PLCB4: variants seen among roughly 807,000 people sequenced by gnomAD.
PLCB4 encodes the protein phospholipase C beta 4.
PLCB4 carries 77 observed loss-of-function variants against 178.8 expected under a neutral mutation model. That is an observed-to-expected ratio of 0.43 (90% CI 0.36 to 0.52). The LOEUF (loss-of-function observed/expected upper bound fraction) is 0.52. Ranked by LOEUF, PLCB4 falls within the 20% of genes least tolerant of loss-of-function variation. The pLI, the probability that PLCB4 is intolerant of heterozygous loss-of-function variation, is 0.00. For missense variants in PLCB4, 1,024 were observed against 1,453.4 expected, an observed-to-expected ratio of 0.70 and a Z score of 4.80; for synonymous variants, 496 against 490.8, an observed-to-expected ratio of 1.01 and a Z score of -0.14.
chr20:9,397,695 G>C (rs771161535), intron 19 of PLCB4, among the ~76,000 whole-genome samples: 1 of 152,186 alleles, frequency 6.6e-6, no homozygotes, highest in Non-Finnish European at 1.5e-5. Context: ...CCAGAGAAAA[G>C]TCATAATGAC....
At chr20:9,406,096 G>T (rs912671860) in intron 21 of PLCB4, among the ~76,000 whole-genome samples, 4 of 152,014 alleles carry the variant, frequency 2.6e-5, no homozygotes, top group Non-Finnish European at 5.9e-5. Context: ...TTCATAATTT[G>T]GGTCAACAGT....
intron 3 of PLCB4, among the ~76,000 whole-genome samples, chr20:9,231,811 A>G (rs1213669246): frequency 6.6e-6 from 1 of 152,166 alleles, no homozygotes; most frequent in Non-Finnish European, 1.5e-5. Flanking sequence ...TTTGTTTCCC[A>G]AGAGAATGAA....
intron 19 of PLCB4, among the ~76,000 whole-genome samples, chr20:9,398,642 G>A (rs2038790252): frequency 6.6e-6 from 1 of 152,018 alleles, no homozygotes; most frequent in African/African-American, 2.4e-5. Flanking sequence ...GGACCAGGCA[G>A]CTTACATTAT....
intron 32 of PLCB4, among the ~76,000 whole-genome samples, chr20:9,448,825 C>A (rs1029127337): frequency 1.4e-4 from 22 of 151,866 alleles, no homozygotes; most frequent in African/African-American, 5.1e-4. Flanking sequence ...ATGTATGGTC[C>A]CAAGGAGAGC....
chr20:9,215,810 A>G (rs933844220), intron 2 of PLCB4, among the ~76,000 whole-genome samples: 1 of 152,210 alleles, frequency 6.6e-6, no homozygotes, highest in Admixed American at 6.5e-5. Context: ...TTATTTGTGT[A>G]TAACGATATA....
At chr20:9,091,196 G>T (rs1188023040) in intron 1 of PLCB4, among the ~76,000 whole-genome samples, 3 of 144,002 alleles carry the variant, frequency 2.1e-5, no homozygotes, top group Admixed American at 7.1e-5. Flanking sequence ...TCATTTCTAG[G>T]TCATACAAGT....
chr20:9,097,776 G>A (rs2090974594), intron 2 of PLCB4, among the ~76,000 whole-genome samples: 1 of 152,040 alleles, frequency 6.6e-6, no homozygotes, highest in Admixed American at 6.6e-5. Flanking sequence ...TTGCTCACAT[G>A]TTACTTATAA....
intron 30 of PLCB4, among the ~76,000 whole-genome samples, chr20:9,442,900 A>G (rs1449329016): frequency 1.3e-5 from 2 of 152,246 alleles, no homozygotes; most frequent in Non-Finnish European, 2.9e-5. Context: ...ATAAAAGGGA[A>G]AAACAAGAGC....
At chr20:9,234,776 G>T (rs542842307) in intron 3 of PLCB4, among the ~76,000 whole-genome samples, 1 of 152,230 alleles carries the variant, frequency 6.6e-6, no homozygotes, top group South Asian at 2.1e-4. Flanking sequence ...TTGAGAAAGG[G>T]CATAGGAAAA....
intron 30 of PLCB4, among the ~76,000 whole-genome samples, chr20:9,443,580 G>A (rs1376409612): frequency 6.6e-6 from 1 of 152,142 alleles, no homozygotes; most frequent in East Asian, 1.9e-4. Flanking sequence ...TTTTGCCAAG[G>A]TGGAATGACT....
intron 3 of PLCB4, among the ~76,000 whole-genome samples, chr20:9,290,766 C>T (rs1344420556): frequency 6.6e-6 from 1 of 152,020 alleles, no homozygotes; most frequent in Non-Finnish European, 1.5e-5. Flanking sequence ...AAATGTATTT[C>T]AGGAAGGATA....
chr20:9,459,184 A>G (rs973922889), intron 34 of PLCB4, among the ~76,000 whole-genome samples: 1 of 152,070 alleles, frequency 6.6e-6, no homozygotes, highest in Non-Finnish European at 1.5e-5. Context: ...TCTCTAGTAA[A>G]AATACAAAAA....
At chr20:9,211,015 T>G (rs2093666999) in intron 2 of PLCB4, among the ~76,000 whole-genome samples, 1 of 152,216 alleles carries the variant, frequency 6.6e-6, no homozygotes, top group African/African-American at 2.4e-5. Context: ...TTCTAAGATT[T>G]GATTACTTTT....
intron 1 of PLCB4, among the ~76,000 whole-genome samples, chr20:9,089,779 T>C (rs762052778): frequency 6.6e-6 from 1 of 152,170 alleles, no homozygotes; most frequent in Admixed American, 6.5e-5. Flanking sequence ...GAAATAAAGT[T>C]AGCTGGTGAA....
intron 3 of PLCB4, chr20:9,280,472 A>G: frequency 1.0e-6 from 1 of 983,724 alleles, no homozygotes; most frequent in Non-Finnish European, 1.2e-6. Flanking sequence ...AGGGAAAAAA[A>G]GGAGGTGGGT....
Position 9,371,381 on chromosome 20 carries a change from A to G in PLCB4, c.585+86A>G, listed in dbSNP as rs1412590441. Reference sequence around the variant, plus strand: ...TAATGAGCTAGATTATTTATATTAAACTGATCTAAATTAGATTTGGAATTA... The same window carrying G: ...TAATGAGCTAGATTATTTATATTAAGCTGATCTAAATTAGATTTGGAATTA... On this transcript the variant is annotated intron_variant, in intron 10 of 39. Coordinates refer to ENST00000378473, the MANE Select transcript of PLCB4 (RefSeq NM_001377142.1). 5.7e-6 allele frequency: 4 copies of G among 697,916 alleles called. No individual in the cohort carries two copies. The African/African-American group carries it at 7.2e-5, about 13-fold the overall frequency. 43.2% of individuals were successfully genotyped at this position (697,916 alleles called of 1,614,324 possible). A position where few individuals can be genotyped will look rare whatever the true frequency, so the allele number is the denominator to read the frequency against.
chr20:9,226,832 A>G (rs1430303095), intron 3 of PLCB4, among the ~76,000 whole-genome samples: 1 of 152,008 alleles, frequency 6.6e-6, no homozygotes, highest in Non-Finnish European at 1.5e-5. Flanking sequence ...TCATTTTGGG[A>G]CCCTTTTCCT....
intron 7 of PLCB4, among the ~76,000 whole-genome samples, chr20:9,346,817 A>G (rs2033845422): frequency 6.6e-6 from 1 of 152,038 alleles, no homozygotes; most frequent in Non-Finnish European, 1.5e-5. Context: ...TGTTATTTCT[A>G]TTGCTGGGTT....
At chr20:9,339,730 A>G (rs1057322902) in intron 7 of PLCB4, among the ~76,000 whole-genome samples, 5 of 152,252 alleles carry the variant, frequency 3.3e-5, no homozygotes, top group African/African-American at 1.2e-4. Flanking sequence ...GCTAATGGCC[A>G]CCATACTGGG....
Sources: gnomAD v4.1 joint callset for allele counts (sites outside exome capture counted in the v4.1 genomes callset) on GRCh38, gnomAD v4.1.1 for gene constraint, MANE v1.5 for transcripts, NCBI Gene and HGNC (gene_info 2026-07-23, HGNC 2026-07-21) for gene names.